Variants in RFX3 observed in about 807,000 individuals in gnomAD.
RFX3 encodes the protein transcription factor RFX3.
RFX3 carries 14 observed loss-of-function variants against 98.6 expected under a neutral mutation model. The ratio of observed to expected loss-of-function variants is 0.14; its 90% CI spans 0.09 to 0.22. The LOEUF (loss-of-function observed/expected upper bound fraction) is 0.22, where lower values mean the gene tolerates loss of function less well. Among genes scored for constraint, RFX3 ranks in the 10% least tolerant of loss-of-function variants. The pLI, the probability that RFX3 is intolerant of heterozygous loss-of-function variation, is 1.00. For synonymous variants in RFX3, 383 were observed against 328.4 expected (o/e 1.17, Z -1.80); for missense variants, 639 against 926.9 (o/e 0.69, Z 4.03).
At chr9:3,254,541 C>CT (rs75879335) in intron 14 of RFX3, among the ~76,000 whole-genome samples, 202 of 142,846 alleles carry the variant, frequency 1.4e-3, no homozygotes, top group East Asian at 5.7e-3. Context: ...TATCTGAAAT[C>CT]TTTTTTTTTT....
chr9:3,292,276 T>C (rs1586909646), intron 6 of RFX3, among the ~76,000 whole-genome samples: 2 of 151,942 alleles, frequency 1.3e-5, no homozygotes, highest in African/African-American at 2.4e-5. Flanking sequence ...CTTATGATAA[T>C]TTATAGAAAT....
chr9:3,307,277 G>A (rs922612703), intron 4 of RFX3, among the ~76,000 whole-genome samples: 3 of 152,244 alleles, frequency 2.0e-5, no homozygotes, highest in Non-Finnish European at 2.9e-5. Flanking sequence ...TTCCTTTAGG[G>A]ATAGGTAAAT....
intron 11 of RFX3, among the ~76,000 whole-genome samples, chr9:3,267,019 C>A (rs1219529489): frequency 6.6e-6 from 1 of 151,912 alleles, no homozygotes; most frequent in East Asian, 1.9e-4. Context: ...GGTCCCATGA[C>A]AGAAGATTTT....
intron 1 of RFX3, among the ~76,000 whole-genome samples, chr9:3,448,830 T>C (rs1335013198): frequency 1.3e-5 from 2 of 152,214 alleles, no homozygotes; most frequent in African/African-American, 2.4e-5. Flanking sequence ...ATAACCCACA[T>C]TTTTAAACTG....
At chr9:3,319,979 T>C (rs1831072054) in intron 4 of RFX3, among the ~76,000 whole-genome samples, 8 of 152,196 alleles carry the variant, frequency 5.3e-5, no homozygotes, top group Admixed American at 4.6e-4. Flanking sequence ...CAGTTTTCAC[T>C]GTCTAAACTT....
chr9:3,457,613 T>C (rs1847313521), intron 1 of RFX3, among the ~76,000 whole-genome samples: 1 of 152,196 alleles, frequency 6.6e-6, no homozygotes, highest in East Asian at 1.9e-4. Context: ...GTACTTAGTA[T>C]CTTTACAAGC....
chr9:3,261,254 A>C (rs1822850336), intron 13 of RFX3, among the ~76,000 whole-genome samples: 1 of 151,980 alleles, frequency 6.6e-6, no homozygotes, highest in Admixed American at 6.6e-5. Flanking sequence ...AGACCTTTTT[A>C]ATTTTCCTAA....
chr9:3,380,169 C>T (rs1167941108), intron 2 of RFX3, among the ~76,000 whole-genome samples: 1 of 152,074 alleles, frequency 6.6e-6, no homozygotes, highest in Non-Finnish European at 1.5e-5. Flanking sequence ...TCAGGTGATC[C>T]ACCAGCCTCA....
rs1204291917 is a variant in RFX3 at position 3,222,475 on chromosome 9, T to C, written c.*2567A>G. 1 of 152,200 alleles carries C rather than the reference T, an allele frequency of 6.6e-6. No individual in the cohort carries two copies. The allele number at this position is 152,200 out of a possible 1,614,324, so 9.4% of individuals were successfully genotyped here. A position where few individuals can be genotyped will look rare whatever the true frequency, so the allele number is the denominator to read the frequency against. On this transcript the variant is annotated 3_prime_UTR_variant, in exon 17 of 17. Coordinates refer to ENST00000617270, the MANE Select transcript of RFX3 (RefSeq NM_001282116.2). Reference sequence around the variant, plus strand: ...TACCAGATTCCTGTAATGATACAAATATATCCAACATTAAATTAAACAATG... The same window carrying C: ...TACCAGATTCCTGTAATGATACAAACATATCCAACATTAAATTAAACAATG...
chr9:3,401,836 A>C (rs1178088522), intron 1 of RFX3, among the ~76,000 whole-genome samples: 1 of 152,154 alleles, frequency 6.6e-6, no homozygotes, highest in East Asian at 1.9e-4. Flanking sequence ...TCTACAGCTA[A>C]ATAGGCCACA....
chr9:3,472,919 C>T (rs942130702), intron 1 of RFX3, among the ~76,000 whole-genome samples: 4 of 152,110 alleles, frequency 2.6e-5, no homozygotes, highest in African/African-American at 9.7e-5. Context: ...ACTGCAGTAA[C>T]GAGATGATCC....
At chr9:3,333,878 C>G (rs1463637832) in intron 3 of RFX3, among the ~76,000 whole-genome samples, 1 of 152,084 alleles carries the variant, frequency 6.6e-6, no homozygotes, top group African/African-American at 2.4e-5. Context: ...TGACCATTTA[C>G]TATGCAGCAG....
At chr9:3,505,325 T>TAAATAAAAATA (rs1290750141) in intron 1 of RFX3, among the ~76,000 whole-genome samples, 1 of 90,922 alleles carries the variant, frequency 1.1e-5, no homozygotes, top group African/African-American at 5.8e-5. Context: ...TTAATGTATA[T>TAAATAAAAATA]TTATATTTTA....
At chr9:3,345,101 T>G (rs1834310189) in intron 3 of RFX3, among the ~76,000 whole-genome samples, 1 of 152,076 alleles carries the variant, frequency 6.6e-6, no homozygotes, top group Admixed American at 6.6e-5. Context: ...TAAGTAAAAG[T>G]CAGGGGATAA....
intron 1 of RFX3, among the ~76,000 whole-genome samples, chr9:3,410,565 A>G (rs1564064029): frequency 6.6e-6 from 1 of 152,302 alleles, no homozygotes; most frequent in Admixed American, 6.5e-5. Flanking sequence ...CTTGCAGCAA[A>G]TAAGTGTAAT....
intron 1 of RFX3, among the ~76,000 whole-genome samples, chr9:3,441,921 C>A (rs1284179896): frequency 6.6e-6 from 1 of 152,074 alleles, no homozygotes; most frequent in Non-Finnish European, 1.5e-5. Flanking sequence ...CTTTACCAGC[C>A]GGGCATGGTG....
chr9:3,247,492 C>T (rs531457200), intron 15 of RFX3: 21 of 712,942 alleles, frequency 2.9e-5, no homozygotes, highest in African/African-American at 2.9e-4. Flanking sequence ...TAAAGTAGAA[C>T]GTATCTCAAA....
intron 2 of RFX3, 89 bp downstream of exon 2, chr9:3,395,383 A>G (rs1840750116): frequency 6.9e-7 from 1 of 1,451,606 alleles, no homozygotes; most frequent in Non-Finnish European, 9.5e-7. Flanking sequence ...GCAAGACAGT[A>G]AAGTTCAAAT....
At chr9:3,401,576 G>C (rs1341560018) in intron 1 of RFX3, among the ~76,000 whole-genome samples, 2 of 152,098 alleles carry the variant, frequency 1.3e-5, no homozygotes, top group Non-Finnish European at 2.9e-5. Context: ...AATCCATTTT[G>C]ATAAGCTAAA....
Sources: allele counts gnomAD v4.1 joint callset (sites outside exome capture counted in the v4.1 genomes callset), GRCh38; gene constraint gnomAD v4.1.1; transcripts MANE v1.5; gene names NCBI Gene and HGNC (gene_info 2026-07-23, HGNC 2026-07-21).